ANGPT1: variants seen among roughly 807,000 people sequenced by gnomAD.
ANGPT1 encodes the protein angiopoietin 1.
ANGPT1 carries 17 observed loss-of-function variants against 62.2 expected under a neutral mutation model. The observed-to-expected ratio is 0.27, with a 90% confidence interval of 0.19 to 0.41. ANGPT1 has a LOEUF of 0.41. Among genes scored for constraint, ANGPT1 ranks in the 10% least tolerant of loss-of-function variants. The pLI, the probability that ANGPT1 is intolerant of heterozygous loss-of-function variation, is 1.00. For missense variants in ANGPT1, 478 were observed against 594.9 expected, an observed-to-expected ratio of 0.80 and a Z score of 2.04; for synonymous variants, 199 against 198.9, an observed-to-expected ratio of 1.00 and a Z score of 0.00.
rs202131622 is a variant in ANGPT1, at chr8:107,432,900, G to A, written c.297+64362C>T. Among the ~76,000 whole-genome samples the A allele has an allele frequency of 4.6e-5, 7 of 151,908 alleles. No homozygotes were observed. The East Asian group carries it at 7.8e-4, about 17-fold the overall frequency. ...CTTTGCAGAATCTTCTGGTTTAATC[G>A]TTCTTTTTATTTGGACATTTATTTC... On this transcript the variant is annotated intron_variant, in intron 1 of 8. Transcript: ENST00000517746.
intron 1 of ANGPT1, among the ~76,000 whole-genome samples, chr8:107,446,055 C>A (rs1320044888): frequency 6.6e-6 from 1 of 152,056 alleles, no homozygotes; most frequent in Admixed American, 6.5e-5. Context: ...GTAGCTGGGA[C>A]AACAGGCACG....
At chr8:107,431,990 C>A (rs1295955506) in intron 1 of ANGPT1, among the ~76,000 whole-genome samples, 1 of 152,086 alleles carries the variant, frequency 6.6e-6, no homozygotes, top group Non-Finnish European at 1.5e-5. Flanking sequence ...ACTCTGGCAA[C>A]TCAATTGAGC....
At chr8:107,484,853 G>A (rs1452740839) in intron 1 of ANGPT1, among the ~76,000 whole-genome samples, 1 of 152,196 alleles carries the variant, frequency 6.6e-6, no homozygotes, top group African/African-American at 2.4e-5. Flanking sequence ...TGTATCTCAT[G>A]TAATGCAAGC....
chr8:107,323,174 G>GAT, intron 3 of ANGPT1, among the ~76,000 whole-genome samples: 1 of 152,258 alleles, frequency 6.6e-6, no homozygotes, highest in Non-Finnish European at 1.5e-5. Flanking sequence ...CATTAAAAAT[G>GAT]ATAGAGAAAG....
intron 7 of ANGPT1, among the ~76,000 whole-genome samples, chr8:107,281,535 T>C (rs1814003494): frequency 6.6e-6 from 1 of 152,034 alleles, no homozygotes; most frequent in Non-Finnish European, 1.5e-5. Flanking sequence ...TCCCAGCACT[T>C]TGGGAGGCTG....
intron 5 of ANGPT1, among the ~76,000 whole-genome samples, chr8:107,299,391 G>GTATATATATATATATA (rs59247214): frequency 4.0e-4 from 45 of 112,582 alleles, no homozygotes; most frequent in South Asian, 2.5e-3. Context: ...ATGAAGGAGT[G>GTATATATATATATATA]TATATATATA....
intron 7 of ANGPT1, among the ~76,000 whole-genome samples, chr8:107,275,207 G>A (rs995905782): frequency 3.3e-5 from 5 of 152,044 alleles, no homozygotes; most frequent in Non-Finnish European, 5.9e-5. Context: ...AGAAAAGGCC[G>A]TATCAGAGCA....
At chr8:107,491,582 T>G (rs182749394) in intron 1 of ANGPT1, among the ~76,000 whole-genome samples, 1 of 152,136 alleles carries the variant, frequency 6.6e-6, no homozygotes, top group East Asian at 1.9e-4. Context: ...GGGGAAGAAT[T>G]TTCTGAGCTG....
At chr8:107,391,882 C>T (rs1816842796) in intron 1 of ANGPT1, among the ~76,000 whole-genome samples, 2 of 152,110 alleles carry the variant, frequency 1.3e-5, no homozygotes, top group African/African-American at 4.8e-5. Flanking sequence ...AAATGTAATG[C>T]ATTGCCCTAT....
rs138336450 is a variant in ANGPT1 at position 107,318,180 on chromosome 8, G to A, written c.808+3716C>T. Among the ~76,000 whole-genome samples the A allele has an allele frequency of 5.0e-3, 760 of 152,246 alleles. 3 individuals carry two copies. The highest frequency in any genetic ancestry group is 0.017 in the African/African-American group (718 of 41,540). ...CCCAATGTTTGCAGATGAAGGTTAG[G>A]CAAAAATAAATGTGTTACTCAGAAG... On this transcript the variant is annotated intron_variant, in intron 4 of 8. Coordinates refer to ENST00000517746, the MANE Select transcript of ANGPT1 (RefSeq NM_001146.5).
chr8:107,330,022 G>A (rs1019553750), intron 3 of ANGPT1, among the ~76,000 whole-genome samples: 3 of 151,982 alleles, frequency 2.0e-5, no homozygotes, highest in Non-Finnish European at 4.4e-5. Flanking sequence ...AGCCAGAGAC[G>A]GACTGTTAGA....
In ANGPT1 at chr8:107,461,752, G is replaced by C. The variant is rs572063299; in HGVS notation, c.297+35510C>G. 2.6e-5 allele frequency among the ~76,000 whole-genome samples: 4 copies of C among 152,116 alleles called. No individual in the cohort carries two copies. The East Asian group carries it at 5.8e-4, about 22-fold the overall frequency. ...ATGCTAATTACATTTTGCTTGAATA[G>C]TTCTATTTTAATAAATGAATGAATG... On this transcript the variant is annotated intron_variant, in intron 1 of 8. Coordinates refer to ENST00000517746, the MANE Select transcript of ANGPT1 (RefSeq NM_001146.5).
intron 1 of ANGPT1, among the ~76,000 whole-genome samples, chr8:107,393,501 A>G (rs1816874741): frequency 6.6e-6 from 1 of 152,194 alleles, no homozygotes; most frequent in South Asian, 2.1e-4. Flanking sequence ...GTGAAATATG[A>G]TCTTTTTAAA....
At chr8:107,400,149 A>G (rs993727131) in intron 1 of ANGPT1, among the ~76,000 whole-genome samples, 7 of 152,196 alleles carry the variant, frequency 4.6e-5, no homozygotes, top group Non-Finnish European at 7.4e-5. Context: ...TCATGTCAGG[A>G]AAGAGGAGAC....
intron 6 of ANGPT1, among the ~76,000 whole-genome samples, chr8:107,291,903 G>A (rs976407300): frequency 7.3e-6 from 1 of 137,650 alleles, no homozygotes; most frequent in Non-Finnish European, 1.6e-5. Context: ...GGGGGGGGGG[G>A]GGGCTTGCCA....
intron 1 of ANGPT1, among the ~76,000 whole-genome samples, chr8:107,413,057 G>A (rs1376098046): frequency 1.3e-5 from 2 of 152,146 alleles, no homozygotes; most frequent in African/African-American, 4.8e-5. Flanking sequence ...GGCTTATGAT[G>A]TAACTAAGAA....
intron 7 of ANGPT1, among the ~76,000 whole-genome samples, chr8:107,283,110 T>G (rs1814055805): frequency 6.6e-6 from 1 of 152,124 alleles, no homozygotes; most frequent in Admixed American, 6.6e-5. Flanking sequence ...ACTAGACTAA[T>G]TATTTGCTAG....
chr8:107,382,962 G>T (rs1586276242), intron 1 of ANGPT1, among the ~76,000 whole-genome samples: 1 of 152,302 alleles, frequency 6.6e-6, no homozygotes, highest in South Asian at 2.1e-4. Context: ...ATGTAACCAA[G>T]CTAATACATT....
At chr8:107,469,866 G>A (rs1453490339) in intron 1 of ANGPT1, among the ~76,000 whole-genome samples, 1 of 151,978 alleles carries the variant, frequency 6.6e-6, no homozygotes, top group Non-Finnish European at 1.5e-5. Flanking sequence ...ATTGACATCA[G>A]ACAATATGGA....
Sources: allele counts gnomAD v4.1 joint callset (sites outside exome capture counted in the v4.1 genomes callset), GRCh38; gene constraint gnomAD v4.1.1; transcripts MANE v1.5; gene names NCBI Gene and HGNC (gene_info 2026-07-23, HGNC 2026-07-21).